Variants in COL10A1 observed in about 807,000 individuals in gnomAD.
The protein encoded by COL10A1 is collagen alpha-1(X) chain.
Under a neutral mutation model 18.2 loss-of-function variants are expected in COL10A1, and 10 were observed. That is an observed-to-expected ratio of 0.55 (90% CI 0.34 to 0.93). The LOEUF (loss-of-function observed/expected upper bound fraction) is 0.93, where lower values mean the gene tolerates loss of function less well. COL10A1 is among the 40% of genes least tolerant of loss of function. The pLI is 0.02. For synonymous variants in COL10A1, 330 were observed against 316.6 expected (o/e 1.04, Z -0.45); for missense variants, 897 against 853.5 (o/e 1.05, Z -0.64).
chr6:116,199,460 T>C, the COL10A1 span, among the ~76,000 whole-genome samples: 1 of 152,080 alleles, frequency 6.6e-6, no homozygotes, highest in Non-Finnish European at 1.5e-5. Flanking sequence ...TACCTATCTG[T>C]CATCAATGTT....
chr6:116,194,697 A>G, the COL10A1 span, among the ~76,000 whole-genome samples: 1 of 152,098 alleles, frequency 6.6e-6, no homozygotes, highest in African/African-American at 2.4e-5. Flanking sequence ...ACTAAGAACT[A>G]CAAGTATAAT....
rs376133972 is a variant in COL10A1 at position 116,120,228 on chromosome 6, T to C, written c.1888A>G (p.Lys630Glu). The stretch of plus-strand genomic sequence containing the variant: ...CCTGAAGCCTGATCCAGGTAGCCTT[T>C]GGTGTATTCATCATAGGTGTACATT... The part of the protein sequence containing the change: ...PVMYTYDEYT[K>E]GYLDQASGSA... Residue 630 changes from lysine (K) to glutamate (E), a missense_variant, in exon 3 of 3, where the codon AAA becomes GAA. Coordinates refer to ENST00000651968, the MANE Select transcript of COL10A1 (RefSeq NM_000493.4). 5 of 1,614,090 alleles carry C rather than the reference T, an allele frequency of 3.1e-6. No homozygotes were observed. Among genetic ancestry groups the C allele is most frequent in the Non-Finnish European group, 4.2e-6 (5 of 1,180,034 alleles).
intron 1 of COL10A1, among the ~76,000 whole-genome samples, chr6:116,143,420 G>C (rs1779815920): frequency 6.6e-6 from 1 of 152,064 alleles, no homozygotes; most frequent in Non-Finnish European, 1.5e-5. Flanking sequence ...CACCATGTTG[G>C]CCAGGATGGT....
rs1779117883 is a variant in COL10A1 at position 116,121,359 on chromosome 6, C to T, written c.757G>A (p.Gly253Ser). 1 of 1,614,164 alleles carries T rather than the reference C, an allele frequency of 6.2e-7. No individual in the cohort carries two copies. Among genetic ancestry groups the T allele is most frequent in the Admixed American group, 1.7e-5 (1 of 60,038 alleles). The change falls in exon 3 of 3, where the codon GGC becomes AGC. Residue 253 changes from glycine (G) to serine (S), a missense_variant. Coordinates refer to ENST00000651968, the MANE Select transcript of COL10A1 (RefSeq NM_000493.4). The part of the protein sequence containing the change: ...MGPIGPPGPQ[G>S]PPGERGPEGI... Reference sequence around the variant, plus strand: ...TCTGGCCCTCGTTCCCCAGGAGGGCCTTGGGGACCTGGTGGGCCAATTGGT... The same window carrying T: ...TCTGGCCCTCGTTCCCCAGGAGGGCTTTGGGGACCTGGTGGGCCAATTGGT...
the COL10A1 span, among the ~76,000 whole-genome samples, chr6:116,180,262 C>T: frequency 1.3e-5 from 2 of 152,118 alleles, no homozygotes; most frequent in Admixed American, 6.5e-5. Flanking sequence ...AGAGAACCAA[C>T]TCTGAAAATC....
the COL10A1 span, among the ~76,000 whole-genome samples, chr6:116,178,671 A>G: frequency 1.3e-5 from 2 of 152,218 alleles, no homozygotes; most frequent in Admixed American, 1.3e-4. Context: ...ATTTTACTGA[A>G]TAGTCCAAAA....
chr6:116,178,053 G>GT, the COL10A1 span, among the ~76,000 whole-genome samples: 2 of 21,398 alleles, frequency 9.3e-5, no homozygotes, highest in African/African-American at 3.3e-4. Context: ...AAAGAGGAAA[G>GT]TGTGTGTGTG....
chr6:116,123,101 A>G (rs1261200117), intron 2 of COL10A1, among the ~76,000 whole-genome samples: 2 of 152,216 alleles, frequency 1.3e-5, no homozygotes, highest in African/African-American at 4.8e-5. Flanking sequence ...AATGCCAACT[A>G]TGTTAGATTG....
At chr6:116,131,770 C>T (rs1270339639) in intron 1 of COL10A1, among the ~76,000 whole-genome samples, 3 of 152,038 alleles carry the variant, frequency 2.0e-5, no homozygotes, top group African/African-American at 7.2e-5. Context: ...ATTTCATCAC[C>T]CAGGTATTAA....
the COL10A1 span, among the ~76,000 whole-genome samples, chr6:116,191,764 A>G: frequency 2.6e-5 from 4 of 152,040 alleles, no homozygotes; most frequent in Non-Finnish European, 4.4e-5. Flanking sequence ...GTTTCTCCTA[A>G]TACTTCAATC....
chr6:116,163,139 A>C (rs76914585), upstream of COL10A1, among the ~76,000 whole-genome samples: 3 of 100,430 alleles, frequency 3.0e-5, no homozygotes, highest in Non-Finnish European at 5.5e-5. Flanking sequence ...AAAAAAAAAA[A>C]AAATATATAT....
chr6:116,147,547 A>C (rs1035932862), intron 1 of COL10A1, among the ~76,000 whole-genome samples: 3 of 152,226 alleles, frequency 2.0e-5, no homozygotes, highest in Non-Finnish European at 2.9e-5. Context: ...TAAAAAGTTC[A>C]TTTTAAAAAG....
the COL10A1 span, among the ~76,000 whole-genome samples, chr6:116,199,956 GC>G: frequency 6.7e-6 from 1 of 148,550 alleles, no homozygotes; most frequent in East Asian, 1.9e-4. Context: ...CTTAAGGGTA[GC>G]CTGTGCATTG....
upstream of COL10A1, among the ~76,000 whole-genome samples, chr6:116,163,141 A>AAATATAT (rs761718922): frequency 4.6e-3 from 407 of 88,362 alleles, 9 homozygotes; most frequent in African/African-American, 0.021. Context: ...AAAAAAAAAA[A>AAATATAT]ATATATATAT....
upstream of COL10A1, among the ~76,000 whole-genome samples, chr6:116,162,951 C>A (rs1268332154): frequency 6.6e-6 from 1 of 151,668 alleles, no homozygotes; most frequent in Non-Finnish European, 1.5e-5. Flanking sequence ...CATGGTGAAA[C>A]CCCGTCTCTA....
At chr6:116,208,179 G>A in the COL10A1 span, among the ~76,000 whole-genome samples, 3 of 151,964 alleles carry the variant, frequency 2.0e-5, no homozygotes. Context: ...CAAAGCTAGA[G>A]AAGTCAACTG....
the COL10A1 span, among the ~76,000 whole-genome samples, chr6:116,206,134 G>A: frequency 1.3e-5 from 2 of 151,990 alleles, no homozygotes; most frequent in Admixed American, 6.6e-5. Flanking sequence ...TTGAAGGTAA[G>A]TAGCATTTTG....
At chr6:116,193,730 TCTTTGTTGTTGGA>T in the COL10A1 span, among the ~76,000 whole-genome samples, 1 of 149,872 alleles carries the variant, frequency 6.7e-6, no homozygotes. Flanking sequence ...GAATCTTTCA[TCTTTGTTGTTGGA>T]CTTAAACATA....
chr6:116,168,083 C>CTTTTT, the COL10A1 span, among the ~76,000 whole-genome samples: 1 of 119,030 alleles, frequency 8.4e-6, no homozygotes, highest in Non-Finnish European at 1.8e-5. Flanking sequence ...TACCTGGTGT[C>CTTTTT]TTTTTTTTTT....
Sources: allele counts gnomAD v4.1 joint callset (sites outside exome capture counted in the v4.1 genomes callset), GRCh38; gene constraint gnomAD v4.1.1; transcripts MANE v1.5; gene names NCBI Gene and HGNC (gene_info 2026-07-23, HGNC 2026-07-21).